Variants in SECISBP2 observed in about 807,000 individuals in gnomAD.
SECISBP2 encodes the protein selenocysteine insertion sequence-binding protein 2.
In SECISBP2, 96 loss-of-function variants were observed where a neutral mutation model predicts 98.2. That is an observed-to-expected ratio of 0.98 (90% CI 0.83 to 1.16). The LOEUF (loss-of-function observed/expected upper bound fraction) is 1.16. Ranked by LOEUF, SECISBP2 falls within the 50% of genes most tolerant of loss-of-function variation. SECISBP2 has a pLI of 0.00. For synonymous variants in SECISBP2, 407 were observed against 370.2 expected, an observed-to-expected ratio of 1.10 and a Z score of -1.14; for missense variants, 1,046 against 1,022.9, an observed-to-expected ratio of 1.02 and a Z score of -0.31.
In SECISBP2 at chr9:89,323,364, TAAG is replaced by T. The variant is rs1023412480; in HGVS notation, c.183-2062_183-2060del. On this transcript the variant is annotated intron_variant, in intron 2 of 16. Transcript: ENST00000375807. ...CCCAGAATGTGTCAGATGGGTGAGA[TAAG>T]GAGGGTGTAGAGGAGACTGCACTAG... 12 of 152,024 alleles carry T rather than the reference TAAG, an allele frequency of 7.9e-5. No homozygotes were observed. The South Asian group carries it at 8.3e-4, about 11-fold the overall frequency. The allele number at this position is 152,024 out of a possible 1,614,324, so 9.4% of individuals were successfully genotyped here.
At chr9:89,321,478 A>T (rs1587839952) in intron 2 of SECISBP2, among the ~76,000 whole-genome samples, 1 of 152,144 alleles carries the variant, frequency 6.6e-6, no homozygotes, top group Non-Finnish European at 1.5e-5. Context: ...GAGCCTGACC[A>T]ACATGGTGAA....
downstream of SECISBP2, chr9:89,364,403 G>A (rs552033779): frequency 2.7e-5 from 7 of 262,328 alleles, no homozygotes; most frequent in Admixed American, 4.6e-5. Flanking sequence ...CCAGCTGTGT[G>A]CAGAGGGGGC....
At chr9:89,319,819 T>G (rs374287074) in intron 2 of SECISBP2, 22 bp downstream of exon 2, 1 of 1,612,780 alleles carries the variant, frequency 6.2e-7, no homozygotes, top group Non-Finnish European at 8.5e-7. Context: ...TCTAAAAGTC[T>G]TACCTAGGGG....
rs1295827459 is a variant in SECISBP2 at position 89,346,998 on chromosome 9, G to C, written c.1552G>C (p.Gly518Arg). 2.5e-6 allele frequency: 4 copies of C among 1,614,072 alleles called. No homozygotes were observed. Among genetic ancestry groups the C allele is most frequent in the Non-Finnish European group, 3.4e-6 (4 of 1,180,036 alleles). ...LDSSAPLMKK[G>R]KQREIPKAKK... ...CTCCAGCGCCCCACTGATGAAGAAA[G>C]GGAAGCAGAGGGAGATCCCCAAGGC... Residue 518 changes from glycine (G) to arginine (R), a missense_variant, in exon 11 of 17, where the codon GGG becomes CGG. Physicochemically the swap from Gly to Arg is moderately radical, Grantham distance 125 (BLOSUM62 -2). Coordinates refer to ENST00000375807, the MANE Select transcript of SECISBP2 (RefSeq NM_024077.5).
chr9:89,351,261 T>G (rs554281646), intron 14 of SECISBP2, among the ~76,000 whole-genome samples: 8 of 152,366 alleles, frequency 5.3e-5, no homozygotes, highest in Admixed American at 2.0e-4. Context: ...TGTGGTTGAC[T>G]CATCTGTTTG....
rs141973891 is a variant in SECISBP2, at chr9:89,334,986, G to A, written c.1089+256G>A. ...TCCCAGCACTTTGGGAGGCCAAGGC[G>A]GGCAGATCACGAGGTCAGGAGATGG... On this transcript the variant is annotated intron_variant, in intron 7 of 16. Transcript: ENST00000375807. Among the ~76,000 whole-genome samples the A allele has an allele frequency of 1.6e-3, 236 of 152,244 alleles. 1 individual carries two copies. Among genetic ancestry groups the A allele is most frequent in the African/African-American group, 5.4e-3 (224 of 41,550 alleles).
chr9:89,366,222 GTAGA>G, the SECISBP2 span, among the ~76,000 whole-genome samples: 1 of 152,240 alleles, frequency 6.6e-6, no homozygotes, highest in African/African-American at 2.4e-5. Flanking sequence ...ATGTGTGAAC[GTAGA>G]TAGTCATGGC....
At chr9:89,319,569 G>T in intron 1 of SECISBP2, 83 bp from the exon 2 acceptor site, 1 of 1,500,294 alleles carries the variant, frequency 6.7e-7, no homozygotes, top group Non-Finnish European at 9.3e-7. Context: ...GGGGCTATTA[G>T]GAACACCTCT....
intron 2 of SECISBP2, among the ~76,000 whole-genome samples, chr9:89,320,349 C>T: frequency 9.2e-6 from 1 of 108,374 alleles, no homozygotes; most frequent in African/African-American, 3.8e-5. Flanking sequence ...GAGTGAGACT[C>T]TGTCTCAAAA....
chr9:89,358,784 T>G lies in SECISBP2; in HGVS notation c.2525T>G (p.Leu842Trp), dbSNP rs1206481909. The change falls in exon 17 of 17, where the codon TTG becomes TGG. Residue 842 changes from leucine to tryptophan, a missense_variant. Coordinates refer to ENST00000375807, the MANE Select transcript of SECISBP2 (RefSeq NM_024077.5). ...TGTACCCTGGAGCTAGAAGAATCCT[T>G]GGAGGCTTCAACCTCTCAAATGATG... ...SGCTLELEESLEASTSQMMNL... is the reference protein window; with the variant it reads ...SGCTLELEESWEASTSQMMNL... 1 of 1,613,880 alleles carries G rather than the reference T, an allele frequency of 6.2e-7. No homozygotes were observed. The highest frequency in any genetic ancestry group is 8.5e-7 in the Non-Finnish European group (1 of 1,179,714).
downstream of SECISBP2, chr9:89,363,614 A>G: frequency 1.3e-6 from 2 of 1,596,236 alleles, no homozygotes; most frequent in Non-Finnish European, 1.7e-6. Context: ...CTCAATGGAA[A>G]GCCAATAAAA....
At chr9:89,350,510 C>G in intron 13 of SECISBP2, 122 bp from the exon 14 acceptor site, 1 of 865,280 alleles carries the variant, frequency 1.2e-6, no homozygotes, top group Non-Finnish European at 2.0e-6. Flanking sequence ...GTTAGTAGTA[C>G]TTGTTGAAAC....
chr9:89,353,013 G>T (rs1010676284), intron 14 of SECISBP2, among the ~76,000 whole-genome samples: 4 of 151,906 alleles, frequency 2.6e-5, no homozygotes, highest in Admixed American at 2.6e-4. Flanking sequence ...CTAGTTGTCT[G>T]CGCCTACTTA....
Position 89,359,475 on chromosome 9 carries a change from T to C in SECISBP2, c.*651T>C, listed in dbSNP as rs1832586478. The C allele has an allele frequency of 6.5e-6, 1 of 154,342 alleles. No homozygotes were observed. The highest frequency in any genetic ancestry group is 1.4e-5 in the Non-Finnish European group (1 of 69,270). 9.6% of individuals were successfully genotyped at this position (154,342 alleles called of 1,614,324 possible). The stretch of plus-strand genomic sequence containing the variant: ...CAGTCTTTATTTTTCAAAGAAACAA[T>C]GTGTATTGAAGTACCTAGATTTGTT... On this transcript the variant is annotated 3_prime_UTR_variant, in exon 17 of 17. Transcript: ENST00000375807.
In SECISBP2 at chr9:89,334,557, C is replaced by G. The variant is rs752235357; in HGVS notation, c.916C>G (p.Gln306Glu). 4 of 1,614,044 alleles carry G rather than the reference C, an allele frequency of 2.5e-6. No homozygotes were observed. In the East Asian group the frequency reaches 8.9e-5, roughly 36 times the overall value. The change falls in exon 7 of 17, where the codon CAG (glutamine) becomes GAG (glutamate). Residue 306 changes from glutamine to glutamate, a missense_variant. Coordinates refer to ENST00000375807, the MANE Select transcript of SECISBP2 (RefSeq NM_024077.5). The part of the protein sequence containing the change: ...SWTPMGYVVR[Q>E]TLSTELSAAP... ...GACACCAATGGGTTATGTTGTTCGA[C>G]AGACATTATCTACAGAACTGTCAGC...
chr9:89,351,827 C>T (rs141532670), intron 14 of SECISBP2, among the ~76,000 whole-genome samples: 3 of 152,292 alleles, frequency 2.0e-5, no homozygotes, highest in African/African-American at 7.2e-5. Flanking sequence ...TGCCCAGAGG[C>T]CTTTCCAGGT....
intron 14 of SECISBP2, chr9:89,355,300 A>C (rs901635385): frequency 3.0e-6 from 3 of 985,332 alleles, no homozygotes; most frequent in East Asian, 2.3e-4. Context: ...TGCCTGGCCT[A>C]CAATGCTGTG....
At chr9:89,318,985 G>C in intron 1 of SECISBP2, 14 of 1,071,818 alleles carry the variant, frequency 1.3e-5, no homozygotes, top group Non-Finnish European at 1.6e-5. Context: ...GTCATTCTCC[G>C]CTCTACGTAC....
chr9:89,326,466 T>C (rs1413724921), intron 4 of SECISBP2, among the ~76,000 whole-genome samples: 1 of 152,232 alleles, frequency 6.6e-6, no homozygotes, highest in Non-Finnish European at 1.5e-5. Context: ...CGTTTTATGC[T>C]ACCTGCTTCC....
Sources: gnomAD v4.1 joint callset for allele counts (sites outside exome capture counted in the v4.1 genomes callset) on GRCh38, gnomAD v4.1.1 for gene constraint, MANE v1.5 for transcripts, NCBI Gene and HGNC (gene_info 2026-07-23, HGNC 2026-07-21) for gene names.